Variants in CNTN1 observed in about 807,000 individuals in gnomAD.
CNTN1 encodes the protein contactin-1.
In CNTN1, 38 loss-of-function variants were observed where a neutral mutation model predicts 126.4. The observed-to-expected ratio is 0.30, with a 90% CI of 0.23 to 0.39. CNTN1 has a LOEUF of 0.39. Ranked by LOEUF, CNTN1 falls within the 10% of genes least tolerant of loss-of-function variation. The probability of loss-of-function intolerance (pLI) is 1.00; values close to 1 mark genes in which losing one functional copy is unlikely to be tolerated. For missense variants in CNTN1, 1,009 were observed against 1,248.4 expected (o/e 0.81, Z 2.89); for synonymous variants, 413 against 422.6 (o/e 0.98, Z 0.28).
At chr12:40,940,109 TGCAA>T (rs1404182662) in intron 12 of CNTN1, among the ~76,000 whole-genome samples, 2 of 151,888 alleles carry the variant, frequency 1.3e-5, no homozygotes, top group Non-Finnish European at 2.9e-5. Flanking sequence ...TAATATTGAG[TGCAA>T]AAATTATGAC....
At chr12:40,875,222 G>T (rs1054813011) in intron 1 of CNTN1, among the ~76,000 whole-genome samples, 2 of 152,054 alleles carry the variant, frequency 1.3e-5, no homozygotes, top group Admixed American at 6.6e-5. Context: ...TGAGATAATT[G>T]TAAATTTGCA....
intron 14 of CNTN1, among the ~76,000 whole-genome samples, chr12:40,958,299 G>A (rs914654942): frequency 1.3e-5 from 2 of 151,502 alleles, no homozygotes; most frequent in Non-Finnish European, 3.0e-5. Context: ...GTGTGTGTAT[G>A]TGTGTGTGTG....
At chr12:40,696,286 G>A (rs1941450965) in intron 1 of CNTN1, among the ~76,000 whole-genome samples, 1 of 152,120 alleles carries the variant, frequency 6.6e-6, no homozygotes, top group Admixed American at 6.5e-5. Context: ...CTGGCTTGTG[G>A]TTAGTTACTT....
intron 1 of CNTN1, among the ~76,000 whole-genome samples, chr12:40,805,867 C>G (rs902451568): frequency 6.6e-6 from 1 of 151,906 alleles, no homozygotes; most frequent in Non-Finnish European, 1.5e-5. Flanking sequence ...TTTTTCTTAC[C>G]CTGGCTATCT....
intron 1 of CNTN1, among the ~76,000 whole-genome samples, chr12:40,856,961 A>G (rs576595268): frequency 2.4e-4 from 36 of 152,194 alleles, no homozygotes; most frequent in Admixed American, 7.9e-4. Context: ...TTACAAACAT[A>G]TACTTAAAGC....
rs550015288 is a variant in CNTN1 at position 40,781,703 on chromosome 12, G to A, written c.-77+89111G>A. On this transcript the variant is annotated intron_variant, in intron 1 of 23. Transcript: ENST00000551295. ...AGAACTGGAACATAAAAACCCAAAA[G>A]CAACATGATCAAGTGAATATAGCAG... is the stretch of plus-strand genomic sequence containing the variant. Among the ~76,000 whole-genome samples, 6 of 152,040 alleles carry A rather than the reference G, an allele frequency of 3.9e-5. No individual in the cohort carries two copies. The South Asian group carries it at 1.0e-3, about 26-fold the overall frequency.
intron 23 of CNTN1, among the ~76,000 whole-genome samples, chr12:41,061,224 T>G (rs1301617328): frequency 6.6e-6 from 1 of 152,234 alleles, no homozygotes; most frequent in Non-Finnish European, 1.5e-5. Context: ...AGCATGTGCT[T>G]ATTGGCCAGC....
At chr12:41,068,118 G>A (rs929577090) in intron 23 of CNTN1, among the ~76,000 whole-genome samples, 6 of 152,186 alleles carry the variant, frequency 3.9e-5, no homozygotes, top group Non-Finnish European at 5.9e-5. Context: ...GAGGTCAAAA[G>A]TGCATGGCCT....
At chr12:40,804,799 A>C (rs971796366) in intron 1 of CNTN1, among the ~76,000 whole-genome samples, 18 of 152,030 alleles carry the variant, frequency 1.2e-4, no homozygotes, top group Non-Finnish European at 8.8e-5. Flanking sequence ...TAAAGAAATA[A>C]TTTTAATATT....
chr12:40,952,597 T>C (rs1946730203), intron 14 of CNTN1, among the ~76,000 whole-genome samples: 2 of 152,054 alleles, frequency 1.3e-5, no homozygotes, highest in South Asian at 4.1e-4. Context: ...GTTTTGTGTC[T>C]TCCTCTGTAA....
chr12:41,027,104 A>G (rs1034736958), intron 21 of CNTN1, among the ~76,000 whole-genome samples: 1 of 152,164 alleles, frequency 6.6e-6, no homozygotes, highest in Non-Finnish European at 1.5e-5. Context: ...TCGACATTAT[A>G]TTACATTTGA....
chr12:40,833,318 A>C, intron 1 of CNTN1, among the ~76,000 whole-genome samples: 1 of 150,382 alleles, frequency 6.6e-6, no homozygotes, highest in South Asian at 2.1e-4. Flanking sequence ...CTGGTCTTGA[A>C]CTCCTGGCCT....
intron 14 of CNTN1, among the ~76,000 whole-genome samples, chr12:40,957,528 A>G (rs1946933696): frequency 1.3e-5 from 2 of 149,434 alleles, no homozygotes; most frequent in African/African-American, 4.9e-5. Context: ...ACTTCATGCT[A>G]TTTGGTTTTC....
intron 1 of CNTN1, among the ~76,000 whole-genome samples, chr12:40,743,693 T>C (rs1767840080): frequency 6.6e-6 from 1 of 152,134 alleles, no homozygotes; most frequent in Non-Finnish European, 1.5e-5. Context: ...TTGTAGATTC[T>C]GGATATTAGA....
intron 1 of CNTN1, among the ~76,000 whole-genome samples, chr12:40,838,510 T>A (rs1942153264): frequency 6.6e-6 from 1 of 152,172 alleles, no homozygotes; most frequent in Admixed American, 6.5e-5. Context: ...AAAGTACCTG[T>A]GTATATCACC....
intron 1 of CNTN1, among the ~76,000 whole-genome samples, chr12:40,702,683 A>C (rs192631605): frequency 6.6e-6 from 1 of 151,712 alleles, no homozygotes; most frequent in South Asian, 2.1e-4. Flanking sequence ...TGATTCACCC[A>C]CTTCAGCCTC....
At chr12:40,835,201 C>G (rs912477001) in intron 1 of CNTN1, among the ~76,000 whole-genome samples, 12 of 152,112 alleles carry the variant, frequency 7.9e-5, no homozygotes, top group Admixed American at 7.9e-4. Flanking sequence ...TCTCTTCTGC[C>G]TTCAGACTTA....
intron 23 of CNTN1, among the ~76,000 whole-genome samples, chr12:41,055,138 GA>G (rs1356948645): frequency 1.3e-5 from 2 of 152,036 alleles, no homozygotes; most frequent in African/African-American, 4.8e-5. Flanking sequence ...AGTTTTAAGG[GA>G]ATTATTTTTT....
chr12:41,004,209 C>G (rs1008205163), intron 17 of CNTN1, among the ~76,000 whole-genome samples: 1 of 152,172 alleles, frequency 6.6e-6, no homozygotes, highest in Non-Finnish European at 1.5e-5. Context: ...ACCCAAATAT[C>G]ATTCAGGAGC....
Sources: allele counts gnomAD v4.1 joint callset (sites outside exome capture counted in the v4.1 genomes callset), GRCh38; gene constraint gnomAD v4.1.1; transcripts MANE v1.5; gene names NCBI Gene and HGNC (gene_info 2026-07-23, HGNC 2026-07-21).